The following PCLO variants were observed in gnomAD, a reference collection of about 807,000 sequenced individuals.
PCLO encodes the protein piccolo presynaptic cytomatrix protein.
Under a neutral mutation model 427.5 loss-of-function variants are expected in PCLO, and 82 were observed. The ratio of observed to expected loss-of-function variants is 0.19; its 90% CI spans 0.16 to 0.23. The LOEUF is 0.23. PCLO is among the 10% of genes least tolerant of loss of function. The pLI, the probability that PCLO is intolerant of heterozygous loss-of-function variation, is 1.00. For missense variants in PCLO, 6,239 were observed against 6,115.9 expected, an observed-to-expected ratio of 1.02 and a Z score of -0.67; for synonymous variants, 2,357 against 2,155.4, an observed-to-expected ratio of 1.09 and a Z score of -2.59.
chr7:83,038,767 T>C (rs192471276), intron 3 of PCLO, among the ~76,000 whole-genome samples: 8 of 152,150 alleles, frequency 5.3e-5, no homozygotes, highest in Middle Eastern at 3.4e-3. Flanking sequence ...CTGGGTCATA[T>C]GGTAACTCTA....
At chr7:82,822,379 A>G (rs1389335896) in intron 20 of PCLO, 116 bp downstream of exon 20, 1 of 1,590,918 alleles carries the variant, frequency 6.3e-7, no homozygotes, top group Non-Finnish European at 8.6e-7. Context: ...AGGGACAGAG[A>G]ACAGGGTGAG....
intron 16 of PCLO, among the ~76,000 whole-genome samples, chr7:82,834,374 G>T (rs189568017): frequency 6.6e-6 from 1 of 152,300 alleles, no homozygotes; most frequent in Admixed American, 6.5e-5. Flanking sequence ...CACAGCGTCA[G>T]TTACATTGTT....
At chr7:83,115,036 G>GTATGTTGATGAAT (rs1791097500) in intron 3 of PCLO, among the ~76,000 whole-genome samples, 1 of 151,990 alleles carries the variant, frequency 6.6e-6, no homozygotes, top group Non-Finnish European at 1.5e-5. Context: ...TGTTATTGCA[G>GTATGTTGATGAAT]TATGTTGATG....
chr7:82,994,315 T>C (rs972631386), intron 3 of PCLO, among the ~76,000 whole-genome samples: 60 of 151,908 alleles, frequency 3.9e-4, no homozygotes, highest in African/African-American at 1.4e-3. Flanking sequence ...AAATTATGGA[T>C]AATATTAGGA....
chr7:83,124,277 A>C (rs1354019783), intron 3 of PCLO, among the ~76,000 whole-genome samples: 1 of 150,858 alleles, frequency 6.6e-6, no homozygotes, highest in Non-Finnish European at 1.5e-5. Context: ...AGATAGCGCC[A>C]CTGCACTCTG....
intron 6 of PCLO, among the ~76,000 whole-genome samples, chr7:82,926,229 T>C (rs1794709030): frequency 1.3e-5 from 2 of 152,302 alleles, no homozygotes; most frequent in Non-Finnish European, 2.9e-5. Context: ...TTAATAATTG[T>C]TTCTATGAAT....
intron 3 of PCLO, among the ~76,000 whole-genome samples, chr7:83,125,467 A>C (rs948870178): frequency 7.2e-5 from 11 of 152,216 alleles, no homozygotes; most frequent in Middle Eastern, 3.2e-3. Context: ...ATGTGGGGAA[A>C]AGAGAGATCA....
intron 22 of PCLO, among the ~76,000 whole-genome samples, chr7:82,786,142 GA>G (rs1790978943): frequency 6.6e-6 from 1 of 151,790 alleles, no homozygotes; most frequent in Non-Finnish European, 1.5e-5. Flanking sequence ...TAGTTAGAAT[GA>G]AAAAAAGGAA....
chr7:82,940,281 T>C, intron 6 of PCLO, among the ~76,000 whole-genome samples: 1 of 152,190 alleles, frequency 6.6e-6, no homozygotes, highest in South Asian at 2.1e-4. Flanking sequence ...TTTATTAGAA[T>C]GATTTCTATC....
chr7:82,930,681 C>T (rs1415041545), intron 6 of PCLO, among the ~76,000 whole-genome samples: 1 of 152,026 alleles, frequency 6.6e-6, no homozygotes, highest in Non-Finnish European at 1.5e-5. Context: ...TCTCTGACTC[C>T]TTATGTAATT....
intron 4 of PCLO, among the ~76,000 whole-genome samples, chr7:82,957,473 TTTG>T (rs1225047585): frequency 6.6e-6 from 1 of 152,192 alleles, no homozygotes; most frequent in African/African-American, 2.4e-5. Flanking sequence ...CACAAATAAT[TTTG>T]TTATCATTCT....
chr7:83,151,175 C>G (rs948878731), intron 2 of PCLO, among the ~76,000 whole-genome samples: 2 of 152,038 alleles, frequency 1.3e-5, no homozygotes, highest in African/African-American at 4.8e-5. Flanking sequence ...AGAATTAGAC[C>G]TTTTGATTGC....
At chr7:82,975,630 T>C (rs997260406) in intron 3 of PCLO, among the ~76,000 whole-genome samples, 1 of 152,182 alleles carries the variant, frequency 6.6e-6, no homozygotes, top group Non-Finnish European at 1.5e-5. Context: ...GGTTGAACTA[T>C]GTTTCCCAGA....
chr7:83,134,083 G>C (rs376483062), intron 3 of PCLO, among the ~76,000 whole-genome samples, 167 bp downstream of exon 3: 1 of 151,536 alleles, frequency 6.6e-6, no homozygotes, highest in Non-Finnish European at 1.5e-5. Flanking sequence ...CTCTTAGTAA[G>C]AAGGTAAGCT....
intron 21 of PCLO, 135 bp from the exon 22 acceptor site, chr7:82,801,726 T>C (rs1039013548): frequency 1.7e-6 from 1 of 603,410 alleles, no homozygotes; most frequent in Non-Finnish European, 2.9e-6. Flanking sequence ...CGAATATTTT[T>C]GGACTTGCAA....
At chr7:83,118,655 A>G (rs1791193734) in intron 3 of PCLO, among the ~76,000 whole-genome samples, 1 of 152,192 alleles carries the variant, frequency 6.6e-6, no homozygotes, top group Non-Finnish European at 1.5e-5. Flanking sequence ...AAGCATTTCA[A>G]GCAGCCCCAG....
Position 83,014,295 on chromosome 7 carries a change from C to T in PCLO, c.3301-47808G>A, listed in dbSNP as rs150443713. On this transcript the variant is annotated intron_variant, in intron 3 of 24. Coordinates refer to ENST00000333891, the MANE Select transcript of PCLO (RefSeq NM_033026.6). ...TCAATTAAATATCTATCCTGTTCTA[C>T]CGTCAAAATAAGCAGAAGTATTTCT... is the stretch of plus-strand genomic sequence containing the variant. Among the ~76,000 whole-genome samples, 959 of 152,128 alleles carry T rather than the reference C, an allele frequency of 6.3e-3. 9 individuals are homozygous for T. The highest frequency in any genetic ancestry group is 6.3e-3 in the Non-Finnish European group (430 of 68,008).
At chr7:82,766,444 C>T (rs1213339599) in intron 22 of PCLO, among the ~76,000 whole-genome samples, 1 of 151,996 alleles carries the variant, frequency 6.6e-6, no homozygotes, top group African/African-American at 2.4e-5. Flanking sequence ...TCAGGCACCT[C>T]TCACTCTTTC....
chr7:83,069,924 G>A (rs1225698316), intron 3 of PCLO, among the ~76,000 whole-genome samples: 1 of 151,922 alleles, frequency 6.6e-6, no homozygotes, highest in Non-Finnish European at 1.5e-5. Context: ...TTAAAGATAT[G>A]CTGACCAATT....
Sources: gnomAD v4.1 joint callset for allele counts (sites outside exome capture counted in the v4.1 genomes callset) on GRCh38, gnomAD v4.1.1 for gene constraint, MANE v1.5 for transcripts, NCBI Gene and HGNC (gene_info 2026-07-23, HGNC 2026-07-21) for gene names.